The following SPAG6 variants were observed in gnomAD, a reference collection of about 807,000 sequenced individuals.
The protein encoded by SPAG6 is sperm-associated antigen 6.
SPAG6 carries 49 observed loss-of-function variants against 58.5 expected under a neutral mutation model. That is an observed-to-expected ratio of 0.84 (90% CI 0.67 to 1.06). The LOEUF is 1.06. SPAG6 is among the 50% of genes least tolerant of loss of function. The pLI is 0.00. For synonymous variants in SPAG6, 233 were observed against 225.6 expected, an observed-to-expected ratio of 1.03 and a Z score of -0.29; for missense variants, 560 against 611.3, an observed-to-expected ratio of 0.92 and a Z score of 0.89.
chr10:22,345,534 G>T lies in SPAG6; in HGVS notation c.-78G>T, dbSNP rs974507600. ...CCGTCGGAGGCCGAGTCGTCGCCACGATCGCCCCCTTGGTGGACTCGCAGG... is the reference window on the plus strand; with the variant it reads ...CCGTCGGAGGCCGAGTCGTCGCCACTATCGCCCCCTTGGTGGACTCGCAGG... On this transcript the variant is annotated 5_prime_UTR_variant, in exon 1 of 11. Transcript: ENST00000376624. The surrounding 1 kb of genome is among the most constrained non-coding windows in gnomAD (Gnocchi z 6.3). 11 of 1,282,232 alleles carry T rather than the reference G, an allele frequency of 8.6e-6. No individual in the cohort carries two copies. Among genetic ancestry groups the T allele is most frequent in the African/African-American group, 7.7e-5 (5 of 65,206 alleles). 79.4% of individuals were successfully genotyped at this position (1,282,232 alleles called of 1,614,324 possible).
rs768399004 is a variant in SPAG6, at chr10:22,364,816, AT to A, written c.122-33del. 9.1e-6 allele frequency: 14 copies of A among 1,540,554 alleles called. No homozygotes were observed. The South Asian group carries it at 1.7e-4, about 18-fold the overall frequency. ...ATTGTATTTTTGCTTTTTAATTTAA[AT>A]TTTCCTGATTTCTGTTCTTTCATAA... is the stretch of plus-strand genomic sequence containing the variant. On this transcript the variant is annotated intron_variant, in intron 2 of 10. Coordinates refer to ENST00000376624, the MANE Select transcript of SPAG6 (RefSeq NM_012443.4).
At chr10:22,362,649 G>T (rs1356664567) in intron 2 of SPAG6, among the ~76,000 whole-genome samples, 2 of 152,000 alleles carry the variant, frequency 1.3e-5, no homozygotes, top group Non-Finnish European at 2.9e-5. Context: ...AGGATTGCTT[G>T]AACCTGAGAG....
At chr10:22,402,542 C>T (rs1834440007) in intron 9 of SPAG6, among the ~76,000 whole-genome samples, 1 of 152,176 alleles carries the variant, frequency 6.6e-6, no homozygotes, top group South Asian at 2.1e-4. Context: ...CGTCAAGTGC[C>T]AGAGCCACAG....
rs1308879574 is a variant in SPAG6, at chr10:22,349,208, A to T, written c.121+3390A>T. Among the ~76,000 whole-genome samples, 3 of 151,960 alleles carry T rather than the reference A, an allele frequency of 2.0e-5. No individual in the cohort carries two copies. In the East Asian group the frequency reaches 5.8e-4, roughly 29 times the overall value. On this transcript the variant is annotated intron_variant, in intron 2 of 10. Transcript: ENST00000376624. ...AAAGAACGGTGTACAAAGCATCTAT[A>T]ACCTTGAGGTGTTTTTTTTTTTCCT...
chr10:22,392,476 T>C (rs1239144086), intron 8 of SPAG6, among the ~76,000 whole-genome samples: 1 of 152,076 alleles, frequency 6.6e-6, no homozygotes, highest in African/African-American at 2.4e-5. Context: ...TCTGAAATAT[T>C]ACTAGCTACT....
At chr10:22,383,238 A>T (rs1304340572) in intron 4 of SPAG6, among the ~76,000 whole-genome samples, 4 of 152,212 alleles carry the variant, frequency 2.6e-5, no homozygotes, top group Non-Finnish European at 4.4e-5. Context: ...ACTCATTTCC[A>T]TGTTTGAGTT....
chr10:22,369,460 A>T (rs577534530), intron 4 of SPAG6, among the ~76,000 whole-genome samples: 69 of 152,376 alleles, frequency 4.5e-4, no homozygotes, highest in Non-Finnish European at 5.9e-5. Flanking sequence ...CAAATTCTAT[A>T]CGAAAACATC....
At chr10:22,407,544 G>C (rs888598987) in intron 9 of SPAG6, among the ~76,000 whole-genome samples, 2 of 152,128 alleles carry the variant, frequency 1.3e-5, no homozygotes, top group African/African-American at 4.8e-5. Flanking sequence ...TGGGTAACCT[G>C]ACCTTTCTCT....
chr10:22,369,489 CTGTTATT>C (rs1296736492), intron 4 of SPAG6, among the ~76,000 whole-genome samples: 1 of 151,992 alleles, frequency 6.6e-6, no homozygotes, highest in Non-Finnish European at 1.5e-5. Flanking sequence ...TCTTTTTAAC[CTGTTATT>C]TGAGTGGGGG....
chr10:22,346,911 T>G (rs1479649093), intron 2 of SPAG6, among the ~76,000 whole-genome samples: 1 of 152,210 alleles, frequency 6.6e-6, no homozygotes, highest in Admixed American at 6.5e-5. Flanking sequence ...TACAGAGAGA[T>G]CCCGTGTACC....
chr10:22,358,963 T>C (rs545008346), intron 2 of SPAG6, among the ~76,000 whole-genome samples: 1 of 152,312 alleles, frequency 6.6e-6, no homozygotes, highest in Non-Finnish European at 1.5e-5. Flanking sequence ...GGCACAGAGA[T>C]GTTAAGTAGT....
At chr10:22,359,225 T>C (rs1836961727) in intron 2 of SPAG6, among the ~76,000 whole-genome samples, 1 of 152,172 alleles carries the variant, frequency 6.6e-6, no homozygotes, top group Admixed American at 6.5e-5. Context: ...TGGTTAATTT[T>C]GTGCAAAAAT....
chr10:22,401,372 G>C (rs893597652), intron 9 of SPAG6, 95 bp downstream of exon 9: 5 of 696,112 alleles, frequency 7.2e-6, no homozygotes, highest in African/African-American at 3.6e-5. Flanking sequence ...TCTGTAACAC[G>C]GGGTCATGGT....
chr10:22,380,469 T>A (rs1263194779), intron 4 of SPAG6, among the ~76,000 whole-genome samples: 1 of 151,918 alleles, frequency 6.6e-6, no homozygotes, highest in African/African-American at 2.4e-5. Flanking sequence ...GGCTAATTTT[T>A]GTGTTTTTTT....
intron 4 of SPAG6, among the ~76,000 whole-genome samples, chr10:22,372,022 A>T (rs761144214): frequency 2.0e-5 from 3 of 152,038 alleles, no homozygotes; most frequent in Non-Finnish European, 4.4e-5. Context: ...TAAATAAGTG[A>T]TTTCTTTCTA....
In SPAG6 at chr10:22,345,932, C is replaced by A; in HGVS notation, c.121+114C>A. 1 of 1,565,410 alleles carries A rather than the reference C, an allele frequency of 6.4e-7. No individual in the cohort carries two copies. The highest frequency in any genetic ancestry group is 1.2e-5 in the South Asian group (1 of 85,154). On this transcript the variant is annotated intron_variant, in intron 2 of 10. Transcript: ENST00000376624. The surrounding 1 kb of genome is among the most constrained non-coding windows in gnomAD (Gnocchi z 6.3). Reference sequence around the variant, plus strand: ...GAGCCGCAGTGTGGGGACCGGAGTTCGCAAAAGCATCCATTCTTTTCAGCG... The same window carrying A: ...GAGCCGCAGTGTGGGGACCGGAGTTAGCAAAAGCATCCATTCTTTTCAGCG...
chr10:22,345,855 C>A lies in SPAG6; in HGVS notation c.121+37C>A. ...GCCCGAACCCCCGTCGCCCCCCGCG[C>A]ACTGAGTCCCCGACGCCTCCGCCCC... On this transcript the variant is annotated intron_variant, in intron 2 of 10. Coordinates refer to ENST00000376624, the MANE Select transcript of SPAG6 (RefSeq NM_012443.4). The surrounding 1 kb of genome is among the most constrained non-coding windows in gnomAD (Gnocchi z 6.3). 6.3e-7 allele frequency: 1 copy of A among 1,596,906 alleles called. No individual in the cohort carries two copies. Among genetic ancestry groups the A allele is most frequent in the East Asian group, 2.3e-5 (1 of 43,546 alleles).
intron 8 of SPAG6, among the ~76,000 whole-genome samples, chr10:22,395,188 G>A (rs1289932051): frequency 6.6e-6 from 1 of 152,152 alleles, no homozygotes; most frequent in Non-Finnish European, 1.5e-5. Context: ...TGACTATTAT[G>A]AATAATGCTG....
At chr10:22,384,691 T>C (rs1834028609) in intron 4 of SPAG6, among the ~76,000 whole-genome samples, 1 of 152,204 alleles carries the variant, frequency 6.6e-6, no homozygotes, top group African/African-American at 2.4e-5. Flanking sequence ...TTTAGCTTCA[T>C]GGCAAATCTT....
Sources: allele counts gnomAD v4.1 joint callset (sites outside exome capture counted in the v4.1 genomes callset), GRCh38; gene constraint gnomAD v4.1.1; non-coding constraint Gnocchi (gnomAD v3.1); transcripts MANE v1.5; gene names NCBI Gene and HGNC (gene_info 2026-07-23, HGNC 2026-07-21).